Variants in SLC24A5 observed in about 807,000 individuals in gnomAD.
The protein encoded by SLC24A5 is sodium/potassium/calcium exchanger 5.
Under a neutral mutation model 51.6 loss-of-function variants are expected in SLC24A5, and 46 were observed. That is an observed-to-expected ratio of 0.89 (90% CI 0.70 to 1.14). The LOEUF is 1.14. Among genes scored for constraint, SLC24A5 ranks in the 50% most tolerant of loss-of-function variants. The pLI is 0.00. For synonymous variants in SLC24A5, 230 were observed against 214.9 expected, an observed-to-expected ratio of 1.07 and a Z score of -0.62; for missense variants, 581 against 604.1, an observed-to-expected ratio of 0.96 and a Z score of 0.40.
intron 1 of SLC24A5, 66 bp from the exon 2 acceptor site, chr15:48,121,791 G>T: frequency 6.6e-7 from 1 of 1,508,582 alleles, no homozygotes; most frequent in Non-Finnish European, 9.1e-7. Flanking sequence ...TCTTAAGGAA[G>T]CTCTCTGTGG....
chr15:48,124,416 A>G (rs1281435794), intron 2 of SLC24A5: 1 of 152,108 alleles, frequency 6.6e-6, no homozygotes, highest in Non-Finnish European at 1.5e-5. Context: ...TCTTATGCCA[A>G]TACTGCACTT....
At position 48,124,052 on chromosome 15, in the gene SLC24A5, C is replaced by T. The variant is rs114226667; in HGVS notation, c.301+2016C>T. 308 of 151,964 alleles carry T rather than the reference C, an allele frequency of 2.0e-3. 2 individuals are homozygous for T. The highest frequency in any genetic ancestry group is 7.0e-3 in the African/African-American group (292 of 41,498). The allele number at this position is 151,964 out of a possible 1,614,324, so 9.4% of individuals were successfully genotyped here. On this transcript the variant is annotated intron_variant, in intron 2 of 8. Coordinates refer to ENST00000341459, the MANE Select transcript of SLC24A5 (RefSeq NM_205850.3). ...GATATTAACCCTTTTTCTAGTATTA[C>T]TTCATATCATATGCTTTTTCATGGT...
chr15:48,124,579 A>G (rs2038711943), intron 2 of SLC24A5: 2 of 152,194 alleles, frequency 1.3e-5, no homozygotes, highest in South Asian at 4.1e-4. Context: ...CAAGAATTTT[A>G]TTATAAAAAT....
At chr15:48,123,172 T>C (rs2140705628) in intron 2 of SLC24A5, 1 of 151,644 alleles carries the variant, frequency 6.6e-6, no homozygotes, top group Admixed American at 6.6e-5. Flanking sequence ...ATAATATATA[T>C]ATATATGATA....
intron 2 of SLC24A5, among the ~76,000 whole-genome samples, chr15:48,129,911 C>G (rs2140717500): frequency 6.6e-6 from 1 of 152,122 alleles, no homozygotes; most frequent in East Asian, 1.9e-4. Flanking sequence ...AGTCTCCTAT[C>G]AAGTTACTGG....
chr15:48,130,829 G>A (rs2038782611), intron 2 of SLC24A5, among the ~76,000 whole-genome samples: 2 of 152,022 alleles, frequency 1.3e-5, no homozygotes, highest in African/African-American at 4.8e-5. Context: ...GCCACAAAGT[G>A]TAAACAAAAA....
rs1484625620 is a variant in SLC24A5, at chr15:48,142,295, G to C, written c.1447G>C (p.Val483Leu). 1 of 1,612,538 alleles carries C rather than the reference G, an allele frequency of 6.2e-7. No homozygotes were observed. Among genetic ancestry groups the C allele is most frequent in the South Asian group, 1.1e-5 (1 of 90,890 alleles). ...ATACTTGGGGCTTGCTACATTATCA[G>C]TTCTATATGAACTTGGAATTATTGG... ...LSYLGLATLS[V>L]LYELGIIGNN... The change falls in exon 9 of 9, where the codon GTT becomes CTT. Residue 483 changes from valine to leucine, a missense_variant. Val to Leu is a conservative substitution (Grantham distance 32). Coordinates refer to ENST00000341459, the MANE Select transcript of SLC24A5 (RefSeq NM_205850.3).
chr15:48,132,047 CT>C (rs967866190), intron 2 of SLC24A5, among the ~76,000 whole-genome samples: 1 of 152,114 alleles, frequency 6.6e-6, no homozygotes, highest in African/African-American at 2.4e-5. Flanking sequence ...AGCCAAAGTC[CT>C]TATTAGGATC....
intron 7 of SLC24A5, 93 bp from the exon 8 acceptor site, chr15:48,141,020 T>C: frequency 2.0e-6 from 2 of 1,009,296 alleles, no homozygotes; most frequent in Non-Finnish European, 3.0e-6. Context: ...GTGCCTATTT[T>C]ATTTTTGTTC....
At chr15:48,127,892 A>G (rs1341931080) in intron 2 of SLC24A5, among the ~76,000 whole-genome samples, 2 of 151,854 alleles carry the variant, frequency 1.3e-5, no homozygotes, top group African/African-American at 2.4e-5. Context: ...TTTCATTTAC[A>G]TTAGCATCTA....
chr15:48,136,787 G>A lies in SLC24A5; in HGVS notation c.695G>A (p.Cys232Tyr). The A allele has an allele frequency of 6.2e-7, 1 of 1,613,772 alleles. No individual in the cohort carries two copies. The highest frequency in any genetic ancestry group is 1.3e-5 in the African/African-American group (1 of 75,030). Reference sequence around the variant, plus strand: ...ATTATAAAGAAATGCAGTCCTTGCTGCGCCTGTCTTGCCAAAGCTATGGAG... The same window carrying A: ...ATTATAAAGAAATGCAGTCCTTGCTACGCCTGTCTTGCCAAAGCTATGGAG... ...QYIIKKCSPC[C>Y]ACLAKAMERS... The change falls in exon 6 of 9, where the codon TGC (cysteine) becomes TAC (tyrosine). Residue 232 changes from cysteine (C) to tyrosine (Y), a missense_variant. By Grantham distance (194) the Cys-to-Tyr change is radical. Coordinates refer to ENST00000341459, the MANE Select transcript of SLC24A5 (RefSeq NM_205850.3).
Position 48,134,074 on chromosome 15 carries a change from A to G in SLC24A5, c.302-184A>G, listed in dbSNP as rs548979389. Reference sequence around the variant, plus strand: ...CCTGGCCTTCCCTCACCCTTTCTATAGAAGCATTAAGTAATGAAGTCATAA... The same window carrying G: ...CCTGGCCTTCCCTCACCCTTTCTATGGAAGCATTAAGTAATGAAGTCATAA... On this transcript the variant is annotated intron_variant, in intron 2 of 8. Transcript: ENST00000341459. 1.1e-3 allele frequency among the ~76,000 whole-genome samples: 161 copies of G among 152,214 alleles called. 1 individual carries two copies. Among genetic ancestry groups the G allele is most frequent in the Non-Finnish European group, 1.7e-3 (117 of 67,992 alleles).
chr15:48,135,350 T>C (rs2140732990), intron 5 of SLC24A5: 1 of 163,804 alleles, frequency 6.1e-6, no homozygotes, highest in East Asian at 1.7e-4. Flanking sequence ...TTAGAAGTGT[T>C]CATGGCCACA....
chr15:48,141,902 G>A, intron 8 of SLC24A5, 127 bp from the exon 9 acceptor site: 1 of 635,018 alleles, frequency 1.6e-6, no homozygotes, highest in South Asian at 3.5e-5. Flanking sequence ...TAAGACTTTT[G>A]CTCTAACAAC....
Position 48,136,927 on chromosome 15 carries a change from T to C in SLC24A5, c.835T>C (p.Ser279Pro), listed in dbSNP as rs761055989. Reference sequence around the variant, plus strand: ...TGAAGATTCTGGCTACTCTCAGCTCTCTATAAGTTTACATGGCCTTAGTCA... The same window carrying C: ...TGAAGATTCTGGCTACTCTCAGCTCCCTATAAGTTTACATGGCCTTAGTCA... Reference protein sequence around the residue: ...FYEDSGYSQLSISLHGLSQVS... With the variant: ...FYEDSGYSQLPISLHGLSQVS... The change falls in exon 6 of 9, where the codon TCT becomes CCT. Residue 279 changes from serine to proline, a missense_variant. Coordinates refer to ENST00000341459, the MANE Select transcript of SLC24A5 (RefSeq NM_205850.3). 1 of 1,613,470 alleles carries C rather than the reference T, an allele frequency of 6.2e-7. No homozygotes were observed. Among genetic ancestry groups the C allele is most frequent in the Non-Finnish European group, 8.5e-7 (1 of 1,179,508 alleles).
chr15:48,142,622 AT>A lies in SLC24A5; in HGVS notation c.*272del. On this transcript the variant is annotated 3_prime_UTR_variant, in exon 9 of 9. Transcript: ENST00000341459. ...AAACTGGAGAAACTAGAACAAACAAATCCAACTATGTAGTACTGAAAACAAC... is the reference window on the plus strand; with the variant it reads ...AAACTGGAGAAACTAGAACAAACAAACCAACTATGTAGTACTGAAAACAAC... 1 of 443,472 alleles carries A rather than the reference AT, an allele frequency of 2.3e-6. No individual in the cohort carries two copies. The allele number at this position is 443,472 out of a possible 1,614,324, so 27.5% of individuals were successfully genotyped here.
chr15:48,122,183 G>A, intron 2 of SLC24A5, 147 bp downstream of exon 2: 2 of 807,482 alleles, frequency 2.5e-6, no homozygotes, highest in Non-Finnish European at 4.2e-6. Flanking sequence ...GTGTCTTAAG[G>A]AACTGGTCGA....
At chr15:48,121,682 A>T (rs937695977) in intron 1 of SLC24A5, among the ~76,000 whole-genome samples, 175 bp from the exon 2 acceptor site, 14 of 152,244 alleles carry the variant, frequency 9.2e-5, no homozygotes, top group South Asian at 4.1e-4. Context: ...CCCCAAAAAA[A>T]TTTTTTGAAA....
intron 8 of SLC24A5, chr15:48,141,787 A>G (rs1749533811): frequency 7.4e-6 from 2 of 270,480 alleles, no homozygotes; most frequent in Non-Finnish European, 1.4e-5. Context: ...AAAGCAACAA[A>G]TAAGCTATAT....
Sources: allele counts gnomAD v4.1 joint callset (sites outside exome capture counted in the v4.1 genomes callset), GRCh38; gene constraint gnomAD v4.1.1; transcripts MANE v1.5; gene names NCBI Gene and HGNC (gene_info 2026-07-23, HGNC 2026-07-21).